The following SDK1 variants were observed in gnomAD, a reference collection of about 807,000 sequenced individuals.
The protein encoded by SDK1 is protein sidekick-1.
Under a neutral mutation model 245.5 loss-of-function variants are expected in SDK1, and 157 were observed. The observed-to-expected ratio is 0.64, with a 90% CI of 0.56 to 0.73. SDK1 has a LOEUF of 0.73. Ranked by LOEUF, SDK1 falls within the 30% of genes least tolerant of loss-of-function variation. The pLI is 0.00. For missense variants in SDK1, 3,583 were observed against 3,002.3 expected (o/e 1.19, Z -4.52); for synonymous variants, 1,647 against 1,278.5 (o/e 1.29, Z -6.15).
chr7:4,208,019 C>G (rs911732996), intron 36 of SDK1, 80 bp from the exon 37 acceptor site: 1 of 1,098,130 alleles, frequency 9.1e-7, no homozygotes, highest in African/African-American at 1.6e-5. Flanking sequence ...CACCCCCTCG[C>G]TTTGACCTTA....
intron 4 of SDK1, among the ~76,000 whole-genome samples, chr7:3,653,027 A>G (rs1337177429): frequency 1.3e-5 from 2 of 152,210 alleles, no homozygotes; most frequent in African/African-American, 4.8e-5. Context: ...TGGCTATTCC[A>G]TTCAGTGCCA....
chr7:4,083,892 TG>T (rs1484489952), intron 22 of SDK1, among the ~76,000 whole-genome samples: 1 of 150,672 alleles, frequency 6.6e-6, no homozygotes, highest in Non-Finnish European at 1.5e-5. Flanking sequence ...TACAGCAGGG[TG>T]GGGGCACGTA....
At chr7:3,504,180 A>ATGTGTGTGTGTGTGTGTGTGTGTG (rs1338465819) in intron 1 of SDK1, among the ~76,000 whole-genome samples, 408 of 89,398 alleles carry the variant, frequency 4.6e-3, no homozygotes, top group Non-Finnish European at 5.8e-3. Context: ...ATATATATAT[A>ATGTGTGTGTGTGTGTGTGTGTGTG]TATGTGTGTG....
At chr7:3,601,863 T>C (rs1781264803) in intron 1 of SDK1, among the ~76,000 whole-genome samples, 1 of 140,474 alleles carries the variant, frequency 7.1e-6, no homozygotes, top group South Asian at 2.4e-4. Flanking sequence ...GTGTGTGATG[T>C]TCCCCTTCCT....
intron 2 of SDK1, among the ~76,000 whole-genome samples, chr7:3,625,168 T>G (rs1457578076): frequency 6.6e-6 from 1 of 152,068 alleles, no homozygotes; most frequent in Non-Finnish European, 1.5e-5. Flanking sequence ...AATGAACAAT[T>G]AAATATAAAA....
Position 4,268,160 on chromosome 7 carries a change from T to A in SDK1, c.*2776T>A, listed in dbSNP as rs1043790428. The A allele has an allele frequency of 2.6e-4, 257 of 986,938 alleles. No homozygotes were observed. Among genetic ancestry groups the A allele is most frequent in the Middle Eastern group, 5.2e-4 (1 of 1,920 alleles). 61.1% of individuals were successfully genotyped at this position (986,938 alleles called of 1,614,324 possible). On this transcript the variant is annotated 3_prime_UTR_variant, in exon 45 of 45. Transcript: ENST00000404826. ...CCTTGCGGATGCCTCATGACAGCAGTGGCTGAGTCTCCCCACCCACCCCCA... is the reference window on the plus strand; with the variant it reads ...CCTTGCGGATGCCTCATGACAGCAGAGGCTGAGTCTCCCCACCCACCCCCA...
rs567035747 is a variant in SDK1, at chr7:3,878,240, GC to G, written c.847+56659del. On this transcript the variant is annotated intron_variant, in intron 5 of 44. Coordinates refer to ENST00000404826, the MANE Select transcript of SDK1 (RefSeq NM_152744.4). The stretch of plus-strand genomic sequence containing the variant: ...TTTAAAAAATAAATAAAGGCTTTTG[GC>G]CGGGTGCGGTGGCTCACGCCTGTAA... Among the ~76,000 whole-genome samples, 75 of 152,268 alleles carry G rather than the reference GC, an allele frequency of 4.9e-4. No homozygotes were observed. The South Asian group carries it at 0.016, about 32-fold the overall frequency.
At chr7:4,069,460 G>A (rs1020112300) in intron 20 of SDK1, among the ~76,000 whole-genome samples, 2 of 152,218 alleles carry the variant, frequency 1.3e-5, no homozygotes, top group African/African-American at 2.4e-5. Flanking sequence ...TTCTGCAGCC[G>A]CACCCCAAGG....
chr7:3,989,794 ACAC>A (rs996748758), intron 14 of SDK1, among the ~76,000 whole-genome samples: 2 of 152,088 alleles, frequency 1.3e-5, no homozygotes, highest in Admixed American at 6.5e-5. Flanking sequence ...TTACCTTTCT[ACAC>A]CCTCGCCCTT....
At position 3,961,948 on chromosome 7, in the gene SDK1, T is replaced by C. The variant is rs908562532; in HGVS notation, c.1235-709T>C. ...ACACACACATATACACACACGCACATGTATACGCATACACACATAAACACA... is the reference window on the plus strand; with the variant it reads ...ACACACACATATACACACACGCACACGTATACGCATACACACATAAACACA... On this transcript the variant is annotated intron_variant, in intron 8 of 44. Transcript: ENST00000404826. Among the ~76,000 whole-genome samples the C allele has an allele frequency of 1.7e-3, 253 of 151,996 alleles. 1 individual carries two copies. The highest frequency in any genetic ancestry group is 5.9e-3 in the African/African-American group (246 of 41,436).
Position 3,632,265 on chromosome 7 carries a change from G to C in SDK1, c.459-6739G>C, listed in dbSNP as rs372703768. On this transcript the variant is annotated intron_variant, in intron 2 of 44. Transcript: ENST00000404826. ...ACATTTTCTGCCCCTGATTTAATAA[G>C]GAAAAGTAGGAATGAATGACGAATG... is the stretch of plus-strand genomic sequence containing the variant. 1.2e-4 allele frequency among the ~76,000 whole-genome samples: 18 copies of C among 152,228 alleles called. No homozygotes were observed. The East Asian group carries it at 3.1e-3, about 26-fold the overall frequency.
intron 2 of SDK1, among the ~76,000 whole-genome samples, chr7:3,626,279 G>T (rs1283334907): frequency 6.6e-6 from 1 of 152,152 alleles, no homozygotes; most frequent in African/African-American, 2.4e-5. Flanking sequence ...GGACAAAATT[G>T]AGTCTATTCC....
chr7:3,971,239 C>T (rs1782463711), intron 11 of SDK1, among the ~76,000 whole-genome samples: 1 of 151,844 alleles, frequency 6.6e-6, no homozygotes. Flanking sequence ...GAGGTTAAAG[C>T]TGATTTAGGA....
intron 1 of SDK1, among the ~76,000 whole-genome samples, chr7:3,524,252 AGAT>A (rs1468100306): frequency 1.3e-5 from 2 of 152,210 alleles, no homozygotes; most frequent in African/African-American, 4.8e-5. Flanking sequence ...ATTTGGAGTC[AGAT>A]GACAAGCTAT....
intron 29 of SDK1, among the ~76,000 whole-genome samples, chr7:4,148,175 G>T (rs685633): frequency 3.3e-5 from 5 of 152,078 alleles, no homozygotes; most frequent in African/African-American, 4.8e-5. Context: ...GAAATCACAA[G>T]GGCCAGAACG....
chr7:3,545,534 C>G (rs1485661468), intron 1 of SDK1, among the ~76,000 whole-genome samples: 1 of 152,206 alleles, frequency 6.6e-6, no homozygotes, highest in African/African-American at 2.4e-5. Context: ...TCTTTTCCTA[C>G]TGAAATGTGA....
At position 3,795,602 on chromosome 7, in the gene SDK1, A is replaced by G. The variant is rs11983236; in HGVS notation, c.714-25848A>G. Among the ~76,000 whole-genome samples, 481 of 152,156 alleles carry G rather than the reference A, an allele frequency of 3.2e-3. 4 individuals carry two copies. Among genetic ancestry groups the G allele is most frequent in the African/African-American group, 0.011 (453 of 41,514 alleles). ...GTTAAATGCCTGTCTTCCAGCTGGCATTCTCTTTCTTATTTATCGTGAAGA... is the reference window on the plus strand; with the variant it reads ...GTTAAATGCCTGTCTTCCAGCTGGCGTTCTCTTTCTTATTTATCGTGAAGA... On this transcript the variant is annotated intron_variant, in intron 4 of 44. Coordinates refer to ENST00000404826, the MANE Select transcript of SDK1 (RefSeq NM_152744.4).
chr7:3,540,126 G>A (rs1398880074), intron 1 of SDK1, among the ~76,000 whole-genome samples: 1 of 152,206 alleles, frequency 6.6e-6, no homozygotes, highest in African/African-American at 2.4e-5. Flanking sequence ...GAAGAGGGAG[G>A]CCGGGTGTGG....
At chr7:3,791,031 T>G (rs1054916383) in intron 4 of SDK1, among the ~76,000 whole-genome samples, 4 of 152,138 alleles carry the variant, frequency 2.6e-5, no homozygotes, top group African/African-American at 7.2e-5. Flanking sequence ...TGCTTCAGTA[T>G]CCTCATCGGT....
Sources: gnomAD v4.1 joint callset for allele counts (sites outside exome capture counted in the v4.1 genomes callset) on GRCh38, gnomAD v4.1.1 for gene constraint, MANE v1.5 for transcripts, NCBI Gene and HGNC (gene_info 2026-07-23, HGNC 2026-07-21) for gene names.